Variants in SBK1 observed in about 807,000 individuals in gnomAD.
SBK1 encodes serine/threonine-protein kinase SBK1.
In SBK1, 11 loss-of-function variants were observed where a neutral mutation model predicts 24.4. The ratio of observed to expected loss-of-function variants is 0.45; its 90% CI spans 0.28 to 0.75. SBK1 has a LOEUF of 0.75. SBK1 is among the 30% of genes least tolerant of loss of function. The pLI is 0.12. For missense variants in SBK1, 467 were observed against 620.5 expected (o/e 0.75, Z 2.63); for synonymous variants, 308 against 284.4 (o/e 1.08, Z -0.83).
At position 28,313,137 on chromosome 16, in the gene SBK1, GA is replaced by G. The variant is rs983908976; in HGVS notation, c.-7-4240del. On this transcript the variant is annotated intron_variant, in intron 1 of 3. Transcript: ENST00000341901. ...TCTCAAAATAAAATAAATAAAATACGAAAAAAAATTATCTGGGCGTGGTGGC... is the reference window on the plus strand; with the variant it reads ...TCTCAAAATAAAATAAATAAAATACGAAAAAAATTATCTGGGCGTGGTGGC... 5.3e-5 allele frequency among the ~76,000 whole-genome samples: 8 copies of G among 151,602 alleles called. No homozygotes were observed. In the East Asian group the frequency reaches 5.8e-4, roughly 11 times the overall value.
At chr16:28,278,894 C>T (rs992979439) in intron 1 of SBK1, among the ~76,000 whole-genome samples, 2 of 152,212 alleles carry the variant, frequency 1.3e-5, no homozygotes, top group Non-Finnish European at 2.9e-5. Context: ...TGCACTTGCC[C>T]CATCAACCTC....
intron 1 of SBK1, among the ~76,000 whole-genome samples, chr16:28,312,728 A>T (rs2044762082): frequency 6.6e-6 from 1 of 152,222 alleles, no homozygotes; most frequent in Middle Eastern, 3.2e-3. Flanking sequence ...GGCCAAGTAC[A>T]GTGGCTCAGG....
intron 1 of SBK1, among the ~76,000 whole-genome samples, chr16:28,303,507 C>CTTTTTTTTTTTTTTTTTTTTTTTTTTT (rs143613970): frequency 5.7e-4 from 33 of 58,114 alleles, no homozygotes; most frequent in South Asian, 9.2e-4. Flanking sequence ...CTTTTCTTTT[C>CTTTTTTTTTTTTTTTTTTTTTTTTTTT]TTTTTTTTTT....
At chr16:28,313,597 TAAAA>T (rs61145714) in intron 1 of SBK1, among the ~76,000 whole-genome samples, 1 of 134,936 alleles carries the variant, frequency 7.4e-6, no homozygotes, top group African/African-American at 2.8e-5. Context: ...TACCCTGTCT[TAAAA>T]AAAAAAAAAA....
At position 28,321,882 on chromosome 16, in the gene SBK1, C is replaced by T. The variant is rs1168047742; in HGVS notation, c.*961C>T. ...CCCAGGGACCTCTGCCGGGTCCTCC[C>T]AGCCCTTGCCACACAGCCTAGACGT... On this transcript the variant is annotated 3_prime_UTR_variant, in exon 4 of 4. Coordinates refer to ENST00000341901, the MANE Select transcript of SBK1 (RefSeq NM_001024401.3). 1.3e-5 allele frequency: 2 copies of T among 152,210 alleles called. No individual in the cohort carries two copies. Among genetic ancestry groups the T allele is most frequent in the African/African-American group, 4.8e-5 (2 of 41,402 alleles). 9.4% of individuals were successfully genotyped at this position (152,210 alleles called of 1,614,324 possible).
intron 1 of SBK1, among the ~76,000 whole-genome samples, chr16:28,309,590 G>A (rs912410341): frequency 6.6e-6 from 1 of 152,156 alleles, no homozygotes; most frequent in African/African-American, 2.4e-5. Context: ...CCTCAATTAA[G>A]CTATTTTTTC....
chr16:28,291,548 C>T (rs1330587298), upstream of SBK1: 1 of 127,188 alleles, frequency 7.9e-6, no homozygotes, highest in East Asian at 2.1e-4. Flanking sequence ...GCTTTTGAAG[C>T]TTGAAGCTAA....
intron 1 of SBK1, among the ~76,000 whole-genome samples, chr16:28,297,701 G>T (rs190658177): frequency 6.6e-6 from 1 of 152,214 alleles, no homozygotes; most frequent in Non-Finnish European, 1.5e-5. Context: ...CTAGGACAGG[G>T]TATCCCATAT....
chr16:28,275,933 T>TAAAGAA, intron 1 of SBK1, among the ~76,000 whole-genome samples: 2 of 148,806 alleles, frequency 1.3e-5, no homozygotes, highest in Middle Eastern at 6.9e-3. Context: ...AAGGAAAGGG[T>TAAAGAA]AAAGAAAAAG....
In SBK1 at chr16:28,271,215, G is replaced by T. The variant is rs562647181; in HGVS notation, c.257+11713G>T. On this transcript the variant is annotated intron_variant, in intron 1 of 3. Coordinates refer to the SBK1 transcript ENST00000671413. The stretch of plus-strand genomic sequence containing the variant: ...GGAGGATGTACTCCACTAAAATAAG[G>T]GAGTAAACCAAGTAAAACAAGAAAT... Among the ~76,000 whole-genome samples, 13 of 152,106 alleles carry T rather than the reference G, an allele frequency of 8.5e-5. No individual in the cohort carries two copies. The South Asian group carries it at 2.7e-3, about 32-fold the overall frequency.
intron 1 of SBK1, among the ~76,000 whole-genome samples, chr16:28,303,952 C>G (rs946063832): frequency 6.6e-6 from 1 of 152,102 alleles, no homozygotes; most frequent in East Asian, 1.9e-4. Flanking sequence ...CCCCTTCCTA[C>G]GTGGCTGGGA....
chr16:28,280,147 A>ATGTG (rs1258164420), intron 1 of SBK1, among the ~76,000 whole-genome samples: 56 of 48,354 alleles, frequency 1.2e-3, no homozygotes, highest in African/African-American at 2.1e-3. Context: ...ATATATATAT[A>ATGTG]TATGTGTGTG....
upstream of SBK1, among the ~76,000 whole-genome samples, chr16:28,289,568 C>T (rs2044586608): frequency 6.6e-6 from 1 of 151,974 alleles, no homozygotes; most frequent in Non-Finnish European, 1.5e-5. Flanking sequence ...GAGTTCAAGA[C>T]CAGCCTGGCC....
intron 1 of SBK1, among the ~76,000 whole-genome samples, chr16:28,298,844 ATCC>A (rs1319577480): frequency 1.3e-5 from 2 of 152,198 alleles, no homozygotes; most frequent in Non-Finnish European, 2.9e-5. Context: ...GGAGGGGACC[ATCC>A]TCCTCCTTCT....
At chr16:28,308,765 G>T (rs2044734137) in intron 1 of SBK1, among the ~76,000 whole-genome samples, 1 of 149,628 alleles carries the variant, frequency 6.7e-6, no homozygotes, top group Non-Finnish European at 1.5e-5. Flanking sequence ...GTGTGTGTGT[G>T]TGTGTGTGTG....
rs1432480857 is a variant in SBK1 at position 28,322,140 on chromosome 16, C to G, written c.*1219C>G. ...TGTGCACATGTGTAGGGTGCAGACG[C>G]ATGGGTGCCATCCTTTGCGTTCAGT... On this transcript the variant is annotated 3_prime_UTR_variant, in exon 4 of 4. Coordinates refer to ENST00000341901, the MANE Select transcript of SBK1 (RefSeq NM_001024401.3). 1.3e-5 allele frequency: 2 copies of G among 152,388 alleles called. No individual in the cohort carries two copies. The highest frequency in any genetic ancestry group is 4.8e-5 in the African/African-American group (2 of 41,368). The allele number at this position is 152,388 out of a possible 1,614,324, so 9.4% of individuals were successfully genotyped here. A position where few individuals can be genotyped will look rare whatever the true frequency, so the allele number is the denominator to read the frequency against.
chr16:28,277,330 T>C (rs559892270), intron 1 of SBK1, among the ~76,000 whole-genome samples: 2 of 149,746 alleles, frequency 1.3e-5, no homozygotes, highest in South Asian at 2.1e-4. Context: ...GGTGTAAACA[T>C]AGAGACAGAG....
At position 28,309,522 on chromosome 16, in the gene SBK1, G is replaced by A. The variant is rs117967072; in HGVS notation, c.-7-7863G>A. Among the ~76,000 whole-genome samples, 666 of 152,244 alleles carry A rather than the reference G, an allele frequency of 4.4e-3. 1 individual carries two copies. Among genetic ancestry groups the A allele is most frequent in the Non-Finnish European group, 7.6e-3 (517 of 68,012 alleles). On this transcript the variant is annotated intron_variant, in intron 1 of 3. Coordinates refer to ENST00000341901, the MANE Select transcript of SBK1 (RefSeq NM_001024401.3). ...TGGCGATGACTGCACAGCCCTTTACGTTTACTCAAATCATTCAATTGTGCA... is the reference window on the plus strand; with the variant it reads ...TGGCGATGACTGCACAGCCCTTTACATTTACTCAAATCATTCAATTGTGCA...
intron 1 of SBK1, among the ~76,000 whole-genome samples, chr16:28,299,605 C>T (rs2044665236): frequency 6.6e-6 from 1 of 152,140 alleles, no homozygotes; most frequent in Admixed American, 6.5e-5. Flanking sequence ...CCCCAGGCCT[C>T]CCCGAGAAAC....
Sources: gnomAD v4.1 joint callset for allele counts (sites outside exome capture counted in the v4.1 genomes callset) on GRCh38, gnomAD v4.1.1 for gene constraint, MANE v1.5 for transcripts, NCBI Gene and HGNC (gene_info 2026-07-23, HGNC 2026-07-21) for gene names.